Variants in NEURL1B observed in about 807,000 individuals in gnomAD.
NEURL1B encodes the protein neuralized E3 ubiquitin protein ligase 1B.
A neutral mutation model predicts 37.4 loss-of-function variants in NEURL1B; 13 were observed. The ratio of observed to expected loss-of-function variants is 0.35; its 90% CI spans 0.23 to 0.55. The LOEUF (loss-of-function observed/expected upper bound fraction) is 0.55. NEURL1B is among the 20% of genes least tolerant of loss of function. The pLI, the probability that NEURL1B is intolerant of heterozygous loss-of-function variation, is 0.89. For synonymous variants in NEURL1B, 432 were observed against 426.6 expected (o/e 1.01, Z -0.16); for missense variants, 790 against 879.2 (o/e 0.90, Z 1.28).
At position 172,645,774 on chromosome 5, in the gene NEURL1B, G is replaced by A. The variant is rs17075043; in HGVS notation, c.31+4337G>A. 0.016 allele frequency among the ~76,000 whole-genome samples: 2,390 copies of A among 152,168 alleles called. 188 individuals carry two copies. In the East Asian group the frequency reaches 0.25, roughly 16 times the overall value. ...TCAGGAGCTGGCCCTAGTGGAAGGG[G>A]CCAACATGCTGTAACAGAACGGGAC... is the stretch of plus-strand genomic sequence containing the variant. On this transcript the variant is annotated intron_variant, in intron 1 of 4. Transcript: ENST00000369800.
intron 2 of NEURL1B, among the ~76,000 whole-genome samples, chr5:172,671,421 T>G (rs1322122203): frequency 1.3e-5 from 2 of 152,212 alleles, no homozygotes; most frequent in African/African-American, 4.8e-5. Flanking sequence ...GACAGACTGA[T>G]GCACCTGTCC....
chr5:172,660,467 G>A (rs1416834494), intron 1 of NEURL1B, among the ~76,000 whole-genome samples: 1 of 152,042 alleles, frequency 6.6e-6, no homozygotes, highest in Non-Finnish European at 1.5e-5. Flanking sequence ...TGTTTGCAAA[G>A]CAAAGGGAGC....
At chr5:172,672,538 T>G (rs1432217453) in intron 2 of NEURL1B, among the ~76,000 whole-genome samples, 6 of 65,508 alleles carry the variant, frequency 9.2e-5, no homozygotes, top group African/African-American at 5.1e-4. Context: ...TGAGGTGAAC[T>G]CTCCCCCCCC....
chr5:172,643,209 C>G (rs1403720280), intron 1 of NEURL1B, among the ~76,000 whole-genome samples: 22 of 152,198 alleles, frequency 1.4e-4, no homozygotes. Flanking sequence ...AGACTCTTCT[C>G]TGGGGATTGA....
At chr5:172,645,302 A>C (rs561059917) in intron 1 of NEURL1B, among the ~76,000 whole-genome samples, 3 of 152,308 alleles carry the variant, frequency 2.0e-5, no homozygotes, top group African/African-American at 4.8e-5. Flanking sequence ...TAAGTGCTGC[A>C]TCCAGACAAA....
In NEURL1B at chr5:172,683,442, A is replaced by G; in HGVS notation, c.601A>G (p.Thr201Ala). Reference sequence around the variant, plus strand: ...AGAGAGCGCCTTCGCTGACACGCTGACGCCCGCGCGCCTCAGCCAGGCCCG... The same window carrying G: ...AGAGAGCGCCTTCGCTGACACGCTGGCGCCCGCGCGCCTCAGCCAGGCCCG... ...LLESAFADTL[T>A]PARLSQARFS... Residue 201 changes from threonine to alanine, a missense_variant, in exon 3 of 5, where the codon ACG becomes GCG. Thr to Ala is a moderately conservative substitution (Grantham distance 58). Transcript: ENST00000369800. The surrounding 1 kb of genome is among the most constrained non-coding windows in gnomAD (Gnocchi z 5.6). 1 of 1,438,932 alleles carries G rather than the reference A, an allele frequency of 6.9e-7. No homozygotes were observed. Among genetic ancestry groups the G allele is most frequent in the Non-Finnish European group, 9.1e-7 (1 of 1,096,246 alleles). The allele number at this position is 1,438,932 out of a possible 1,614,324, so 89.1% of individuals were successfully genotyped here. A position where few individuals can be genotyped will look rare whatever the true frequency, so the allele number is the denominator to read the frequency against.
In NEURL1B at chr5:172,668,895, C is replaced by T. The variant is rs150872514; in HGVS notation, c.32-890C>T. Reference sequence around the variant, plus strand: ...CCTTTGAAAGACCACGCCGGGATTCCCCAGGTCCTTCAGAGCAGAATGTCT... The same window carrying T: ...CCTTTGAAAGACCACGCCGGGATTCTCCAGGTCCTTCAGAGCAGAATGTCT... On this transcript the variant is annotated intron_variant, in intron 1 of 4. Transcript: ENST00000369800. Among the ~76,000 whole-genome samples, 25 of 152,242 alleles carry T rather than the reference C, an allele frequency of 1.6e-4. No homozygotes were observed. The East Asian group carries it at 4.6e-3, about 28-fold the overall frequency.
At chr5:172,644,711 C>T (rs1263103428) in intron 1 of NEURL1B, among the ~76,000 whole-genome samples, 1 of 152,216 alleles carries the variant, frequency 6.6e-6, no homozygotes. Context: ...ACTTTGCATA[C>T]AGTTAGGCAG....
rs141618241 is a variant in NEURL1B at position 172,647,714 on chromosome 5, C to T, written c.31+6277C>T. ...TGTGCCTAGAGAAGCCCCCTGCCCCCGCCCACCTCACCCCAGGCCTGTAGA... is the reference window on the plus strand; with the variant it reads ...TGTGCCTAGAGAAGCCCCCTGCCCCTGCCCACCTCACCCCAGGCCTGTAGA... On this transcript the variant is annotated intron_variant, in intron 1 of 4. Coordinates refer to ENST00000369800, the MANE Select transcript of NEURL1B (RefSeq NM_001142651.3). This position sits in a 1 kb window ranked among gnomAD's most constrained non-coding sequence, Gnocchi z 4.2. Among the ~76,000 whole-genome samples, 186 of 152,266 alleles carry T rather than the reference C, an allele frequency of 1.2e-3. No individual in the cohort carries two copies. In the East Asian group the frequency reaches 0.014, roughly 11 times the overall value.
rs1757986814 is a variant in NEURL1B at position 172,665,239 on chromosome 5, G to C, written c.32-4546G>C. 6.6e-6 allele frequency among the ~76,000 whole-genome samples: 1 copy of C among 152,378 alleles called. No homozygotes were observed. The highest frequency in any genetic ancestry group is 6.5e-5 in the Admixed American group (1 of 15,312). ...TGCCAGCTGGAGGGGGCCTTGGCCT[G>C]CTGGGCACTGGGGGAAGCTGCACCA... On this transcript the variant is annotated intron_variant, in intron 1 of 4. Transcript: ENST00000369800. This position sits in a 1 kb window ranked among gnomAD's most constrained non-coding sequence, Gnocchi z 4.1.
In NEURL1B at chr5:172,687,086, C is replaced by A; in HGVS notation, c.*161C>A. 1.2e-6 allele frequency: 1 copy of A among 857,354 alleles called. No homozygotes were observed. Among genetic ancestry groups the A allele is most frequent in the Non-Finnish European group, 1.7e-6 (1 of 575,178 alleles). 53.1% of individuals were successfully genotyped at this position (857,354 alleles called of 1,614,324 possible). A position where few individuals can be genotyped will look rare whatever the true frequency, so the allele number is the denominator to read the frequency against. ...GGAGCGAGGCCCACAGGGCCTCAGC[C>A]CAGGCAGGGGTTGCTTCTGGCTCCA... On this transcript the variant is annotated 3_prime_UTR_variant, in exon 5 of 5. Transcript: ENST00000369800.
At position 172,667,275 on chromosome 5, in the gene NEURL1B, T is replaced by TAAAAAAAAAAAAAAAAAAAAAA. The variant is rs55663413; in HGVS notation, c.32-2489_32-2488insAAAAAAAAAAAAAAAAAAAAAA. Among the ~76,000 whole-genome samples the TAAAAAAAAAAAAAAAAAAAAAA allele has an allele frequency of 1.9e-4, 14 of 72,270 alleles. 1 individual carries two copies. Among genetic ancestry groups the TAAAAAAAAAAAAAAAAAAAAAA allele is most frequent in the African/African-American group, 9.7e-4 (12 of 12,406 alleles). 47.4% of individuals were successfully genotyped at this position (72,270 alleles called of 152,430 possible). A position where few individuals can be genotyped will look rare whatever the true frequency, so the allele number is the denominator to read the frequency against. On this transcript the variant is annotated intron_variant, in intron 1 of 4. Transcript: ENST00000369800. ...CAACATGGTGAAACCCTGTCTCTAC[T>TAAAAAAAAAAAAAAAAAAAAAA]AAAAAAAAAAAAAAAAAAAAATTAG...
chr5:172,643,111 ACT>A (rs1246966465), intron 1 of NEURL1B, among the ~76,000 whole-genome samples: 2 of 151,304 alleles, frequency 1.3e-5, no homozygotes, highest in African/African-American at 2.4e-5. Flanking sequence ...ATCCCTCTCA[ACT>A]CTCTCTCTGT....
rs1341280868 is a variant in NEURL1B at position 172,683,726 on chromosome 5, C to T, written c.885C>T (p.Asp295=). Residue 295 remains aspartate, a synonymous_variant, in exon 3 of 5, where the codon GAC becomes GAT. Coordinates refer to ENST00000369800, the MANE Select transcript of NEURL1B (RefSeq NM_001142651.3). This position sits in a 1 kb window ranked among gnomAD's most constrained non-coding sequence, Gnocchi z 5.6. ...GGCCCGACGTGAGCCTGTCGGCCGA[C>T]CGCAAAGTGGCCTGCGCACCGCGGC... ...TRGPDVSLSA[D]RKVACAPRPD... is the part of the protein sequence containing the mutation. 18 of 1,358,338 alleles carry T rather than the reference C, an allele frequency of 1.3e-5. No homozygotes were observed. The African/African-American group carries it at 2.3e-4, about 18-fold the overall frequency. The allele number at this position is 1,358,338 out of a possible 1,614,324, so 84.1% of individuals were successfully genotyped here. A position where few individuals can be genotyped will look rare whatever the true frequency, so the allele number is the denominator to read the frequency against.
intron 3 of NEURL1B, among the ~76,000 whole-genome samples, chr5:172,685,388 C>T (rs1758473227): frequency 6.6e-6 from 1 of 152,140 alleles, no homozygotes. Context: ...ATCATTTCAG[C>T]CCGAGACGAA....
At position 172,676,778 on chromosome 5, in the gene NEURL1B, C is replaced by T. The variant is rs1023135383; in HGVS notation, c.577+6448C>T. 7.2e-5 allele frequency among the ~76,000 whole-genome samples: 11 copies of T among 152,258 alleles called. No homozygotes were observed. Among genetic ancestry groups the T allele is most frequent in the Admixed American group, 2.6e-4 (4 of 15,290 alleles). ...GAGAGCTTGATGTGGGTCATGTCTT[C>T]TGTTCCTTACAAGAATCCTGTGAGG... On this transcript the variant is annotated intron_variant, in intron 2 of 4. Transcript: ENST00000369800. The surrounding 1 kb of genome is among the most constrained non-coding windows in gnomAD (Gnocchi z 4.5).
intron 1 of NEURL1B, among the ~76,000 whole-genome samples, chr5:172,649,272 C>T (rs1757616413): frequency 6.6e-6 from 1 of 151,400 alleles, no homozygotes; most frequent in Non-Finnish European, 1.5e-5. Context: ...ACGAAGACGC[C>T]TTTTGACCCT....
intron 1 of NEURL1B, among the ~76,000 whole-genome samples, chr5:172,645,438 C>T (rs1481343354): frequency 6.6e-5 from 10 of 152,210 alleles, no homozygotes; most frequent in Non-Finnish European, 1.5e-4. Context: ...TCCCTGACTT[C>T]CCATCTGAGC....
In NEURL1B at chr5:172,665,321, G is replaced by A. The variant is rs1757987801; in HGVS notation, c.32-4464G>A. The stretch of plus-strand genomic sequence containing the variant: ...AGCGTGGACAGCACAGGCTTCTGCT[G>A]TCCCTGAGCTATCTCTGCCGATGGT... On this transcript the variant is annotated intron_variant, in intron 1 of 4. Transcript: ENST00000369800. The surrounding 1 kb of genome is among the most constrained non-coding windows in gnomAD (Gnocchi z 4.1). Among the ~76,000 whole-genome samples, 1 of 152,194 alleles carries A rather than the reference G, an allele frequency of 6.6e-6. No individual in the cohort carries two copies. Among genetic ancestry groups the A allele is most frequent in the Non-Finnish European group, 1.5e-5 (1 of 68,032 alleles).
Sources: allele counts gnomAD v4.1 joint callset (sites outside exome capture counted in the v4.1 genomes callset), GRCh38; gene constraint gnomAD v4.1.1; non-coding constraint Gnocchi (gnomAD v3.1); transcripts MANE v1.5; gene names NCBI Gene and HGNC (gene_info 2026-07-23, HGNC 2026-07-21).